ASPRV1: variants seen among roughly 807,000 people sequenced by gnomAD.
The protein encoded by ASPRV1 is retroviral-like aspartic protease 1.
ASPRV1 carries 7 observed loss-of-function variants against 11.0 expected under a neutral mutation model. That is an observed-to-expected ratio of 0.64 (90% confidence interval 0.36 to 1.20). The LOEUF is 1.20. Among genes scored for constraint, ASPRV1 ranks in the 50% most tolerant of loss-of-function variants. The probability of loss-of-function intolerance (pLI) is 0.02; values close to 1 mark genes in which losing one functional copy is unlikely to be tolerated. For missense variants in ASPRV1, 299 were observed against 320.0 expected (o/e 0.93, Z 0.50); for synonymous variants, 136 against 138.4 (o/e 0.98, Z 0.12).
At chr2:70,085,000 C>A in the ASPRV1 span, among the ~76,000 whole-genome samples, 6 of 152,250 alleles carry the variant, frequency 3.9e-5, no homozygotes, top group African/African-American at 1.2e-4. Context: ...GAGCCCTGCT[C>A]AGGCACCAGT....
chr2:69,952,764 C>A, the ASPRV1 span, among the ~76,000 whole-genome samples: 1 of 150,996 alleles, frequency 6.6e-6, no homozygotes, highest in Non-Finnish European at 1.5e-5. Context: ...TGCCAATAGT[C>A]CCCCCCATCC....
the ASPRV1 span, among the ~76,000 whole-genome samples, chr2:70,029,296 G>T: frequency 6.6e-6 from 1 of 152,118 alleles, no homozygotes; most frequent in Non-Finnish European, 1.5e-5. Context: ...TACCATTCCA[G>T]CAAGAGAAAC....
At chr2:69,935,240 T>G in the ASPRV1 span, 1 of 720,178 alleles carries the variant, frequency 1.4e-6, no homozygotes, top group Admixed American at 2.2e-5. Flanking sequence ...TTGGTAGCAT[T>G]TGCCATCGCA....
the ASPRV1 span, among the ~76,000 whole-genome samples, chr2:69,977,336 A>T: frequency 2.0e-5 from 3 of 152,224 alleles, no homozygotes; most frequent in Non-Finnish European, 1.5e-5. Context: ...ACTGACAGCC[A>T]CTGTGGGTGG....
chr2:70,076,525 G>C, the ASPRV1 span, among the ~76,000 whole-genome samples: 4 of 152,160 alleles, frequency 2.6e-5, no homozygotes, highest in Admixed American at 2.6e-4. Flanking sequence ...TTAGGAGGCA[G>C]GTATTATCAT....
the ASPRV1 span, among the ~76,000 whole-genome samples, chr2:70,040,074 T>C: frequency 6.6e-4 from 100 of 152,304 alleles, no homozygotes; most frequent in Non-Finnish European, 1.3e-3. Context: ...ACAATGCCAA[T>C]AGTGTTTGGC....
At chr2:69,937,120 C>T in the ASPRV1 span, 38 of 1,372,056 alleles carry the variant, frequency 2.8e-5, no homozygotes, top group African/African-American at 1.7e-4. Context: ...TGAGTGGCAC[C>T]GAAAGGCGTC....
the ASPRV1 span, among the ~76,000 whole-genome samples, chr2:69,977,824 A>G: frequency 6.6e-6 from 1 of 152,212 alleles, no homozygotes; most frequent in African/African-American, 2.4e-5. Flanking sequence ...GGAAATTAGT[A>G]ACTCCAGAGG....
At chr2:70,085,645 G>C in the ASPRV1 span, 1 of 152,212 alleles carries the variant, frequency 6.6e-6, no homozygotes, top group Non-Finnish European at 1.5e-5. Flanking sequence ...GAGAGAGAGA[G>C]AGAGAGAGAT....
At chr2:70,007,854 G>A in the ASPRV1 span, among the ~76,000 whole-genome samples, 8 of 152,016 alleles carry the variant, frequency 5.3e-5, no homozygotes, top group African/African-American at 1.2e-4. Context: ...TTTATTTAGC[G>A]ACAAAGAGTC....
the ASPRV1 span, among the ~76,000 whole-genome samples, chr2:69,945,740 G>A: frequency 6.6e-6 from 1 of 152,212 alleles, no homozygotes; most frequent in African/African-American, 2.4e-5. Flanking sequence ...GATGACCACA[G>A]GAAGAGCCAG....
chr2:70,036,582 A>G, the ASPRV1 span, among the ~76,000 whole-genome samples: 5 of 152,202 alleles, frequency 3.3e-5, no homozygotes, highest in African/African-American at 1.2e-4. Flanking sequence ...TTGGAAGTGT[A>G]CACATAAACA....
the ASPRV1 span, among the ~76,000 whole-genome samples, chr2:70,066,399 C>T: frequency 6.6e-6 from 1 of 151,300 alleles, no homozygotes; most frequent in Admixed American, 6.6e-5. Flanking sequence ...CCACCACGCC[C>T]AGCTAATTTT....
chr2:69,934,065 C>CTTA, the ASPRV1 span, among the ~76,000 whole-genome samples: 1 of 152,218 alleles, frequency 6.6e-6, no homozygotes, highest in Non-Finnish European at 1.5e-5. Flanking sequence ...TCAGCAAACA[C>CTTA]TTATTAAGCA....
chr2:69,967,107 G>A, the ASPRV1 span, among the ~76,000 whole-genome samples: 1 of 152,236 alleles, frequency 6.6e-6, no homozygotes, highest in Admixed American at 6.5e-5. Flanking sequence ...GCCATAGACA[G>A]GAATGGACAA....
chr2:70,022,665 G>A, the ASPRV1 span, among the ~76,000 whole-genome samples: 2 of 152,044 alleles, frequency 1.3e-5, no homozygotes, highest in South Asian at 4.1e-4. Context: ...ACTCCAGCCT[G>A]GATGACAGAG....
chr2:69,957,784 C>G (rs1204791631), downstream of ASPRV1, among the ~76,000 whole-genome samples: 1 of 152,126 alleles, frequency 6.6e-6, no homozygotes, highest in Non-Finnish European at 1.5e-5. Flanking sequence ...GCCTGCTGCA[C>G]TTTGGGACCA....
Position 69,961,349 on chromosome 2 carries a change from T to C in ASPRV1, c.88A>G (p.Asn30Asp), listed in dbSNP as rs1334412692. 8.7e-6 allele frequency: 14 copies of C among 1,614,016 alleles called. No individual in the cohort carries two copies. Among genetic ancestry groups the C allele is most frequent in the Non-Finnish European group, 9.3e-6 (11 of 1,180,030 alleles). Residue 30 changes from asparagine to aspartate, a missense_variant, in exon 1 of 1, where the codon AAC becomes GAC. Coordinates refer to ENST00000320256, the MANE Select transcript of ASPRV1 (RefSeq NM_152792.4). ...ACTTCAAAGCTGTGCAGCCAGAGGT[T>C]TGGGACGACATTGGCCCCATCAAAA... ...EPFDGANVVP[N>D]LWLHSFEVIN...
At chr2:70,082,010 C>T in the ASPRV1 span, among the ~76,000 whole-genome samples, 1 of 152,084 alleles carries the variant, frequency 6.6e-6, no homozygotes, top group East Asian at 1.9e-4. Flanking sequence ...CAGAGTCTCA[C>T]TCTGTCTCCC....
Sources: allele counts gnomAD v4.1 joint callset (sites outside exome capture counted in the v4.1 genomes callset), GRCh38; gene constraint gnomAD v4.1.1; transcripts MANE v1.5; gene names NCBI Gene and HGNC (gene_info 2026-07-23, HGNC 2026-07-21).